The following KIAA1549L variants were observed in gnomAD, a reference collection of about 807,000 sequenced individuals.
The protein encoded by KIAA1549L is UPF0606 protein KIAA1549L.
In KIAA1549L, 88 loss-of-function variants were observed where a neutral mutation model predicts 160.7. The observed-to-expected ratio is 0.55, with a 90% CI of 0.46 to 0.65. The LOEUF is 0.65. Among genes scored for constraint, KIAA1549L ranks in the 30% least tolerant of loss-of-function variants. The probability of loss-of-function intolerance (pLI) is 0.00; values close to 1 mark genes in which losing one functional copy is unlikely to be tolerated. For synonymous variants in KIAA1549L, 950 were observed against 976.7 expected (o/e 0.97, Z 0.51); for missense variants, 2,258 against 2,437.5 (o/e 0.93, Z 1.55).
intron 1 of KIAA1549L, among the ~76,000 whole-genome samples, chr11:33,489,614 A>G (rs755462296): frequency 3.3e-5 from 5 of 152,206 alleles, no homozygotes; most frequent in Admixed American, 6.5e-5. Context: ...AGATGCTGCC[A>G]TCTTCATCCC....
rs1854035437 is a variant in KIAA1549L at position 33,542,003 on chromosome 11, A to C, written c.440A>C (p.His147Pro). The C allele has an allele frequency of 2.2e-6, 1 of 445,222 alleles. No individual in the cohort carries two copies. The highest frequency in any genetic ancestry group is 2.0e-5 in the African/African-American group (1 of 50,054). The allele number at this position is 445,222 out of a possible 1,614,324, so 27.6% of individuals were successfully genotyped here. A position where few individuals can be genotyped will look rare whatever the true frequency, so the allele number is the denominator to read the frequency against. The change falls in exon 2 of 21, where the codon CAC becomes CCC. Residue 147 changes from histidine to proline, a missense_variant. Physicochemically the swap from His to Pro is moderately conservative, Grantham distance 77. Coordinates refer to ENST00000658780, the MANE Select transcript of KIAA1549L (RefSeq NM_012194.3). ...SARTPASKTH[H>P]RTRAHADFSS... ...CGAACCCCTGCGTCCAAGACACACCACAGAACTAGGGCTCACGCGGACTTC... is the reference window on the plus strand; with the variant it reads ...CGAACCCCTGCGTCCAAGACACACCCCAGAACTAGGGCTCACGCGGACTTC...
intron 8 of KIAA1549L, among the ~76,000 whole-genome samples, chr11:33,566,252 G>C (rs1439684119): frequency 6.6e-6 from 1 of 151,958 alleles, no homozygotes; most frequent in Non-Finnish European, 1.5e-5. Flanking sequence ...CCTCTCGACT[G>C]TCCTGTGTCC....
At chr11:33,616,713 C>A (rs1850818962) in intron 15 of KIAA1549L, among the ~76,000 whole-genome samples, 1 of 152,148 alleles carries the variant, frequency 6.6e-6, no homozygotes, top group Admixed American at 6.5e-5. Context: ...GACTAACTTA[C>A]TGTGTGTCTA....
chr11:33,437,118 C>T (rs902785501), intron 1 of KIAA1549L, among the ~76,000 whole-genome samples: 1 of 152,214 alleles, frequency 6.6e-6, no homozygotes, highest in Non-Finnish European at 1.5e-5. Flanking sequence ...TAAATATTCT[C>T]AGATGAGTTG....
chr11:33,667,382 A>T (rs1437973837), intron 20 of KIAA1549L, among the ~76,000 whole-genome samples: 1 of 151,984 alleles, frequency 6.6e-6, no homozygotes, highest in East Asian at 1.9e-4. Context: ...ATATCTAGTG[A>T]GTGAGTCCAA....
intron 1 of KIAA1549L, among the ~76,000 whole-genome samples, chr11:33,434,576 A>G (rs1851318643): frequency 6.6e-6 from 1 of 152,184 alleles, no homozygotes. Flanking sequence ...TAGCTGCACA[A>G]GAGAGCTAGC....
At position 33,571,426 on chromosome 11, in the gene KIAA1549L, A is replaced by G. The variant is rs780296500; in HGVS notation, c.4230+3199A>G. On this transcript the variant is annotated intron_variant, in intron 9 of 20. Coordinates refer to ENST00000658780, the MANE Select transcript of KIAA1549L (RefSeq NM_012194.3). Reference sequence around the variant, plus strand: ...GTGATTAGGCCGTTCTTGCATTGCTATAAAGAAATATCTGAGACTGAGTAC... The same window carrying G: ...GTGATTAGGCCGTTCTTGCATTGCTGTAAAGAAATATCTGAGACTGAGTAC... Among the ~76,000 whole-genome samples the G allele has an allele frequency of 7.2e-5, 11 of 152,322 alleles. No homozygotes were observed. The East Asian group carries it at 7.7e-4, about 11-fold the overall frequency.
intron 12 of KIAA1549L, among the ~76,000 whole-genome samples, chr11:33,597,104 T>C (rs1028639292): frequency 3.9e-5 from 6 of 152,188 alleles, no homozygotes; most frequent in African/African-American, 1.4e-4. Context: ...AAATGTTGGG[T>C]TAAACGAGAC....
intron 1 of KIAA1549L, among the ~76,000 whole-genome samples, chr11:33,514,056 A>G (rs1300832102): frequency 6.6e-6 from 1 of 152,198 alleles, no homozygotes; most frequent in African/African-American, 2.4e-5. Context: ...ACCGGTTACA[A>G]GGTTACCTCA....
At chr11:33,645,534 G>A (rs1364971531) in intron 16 of KIAA1549L, among the ~76,000 whole-genome samples, 152 bp from the exon 17 acceptor site, 4 of 152,138 alleles carry the variant, frequency 2.6e-5, no homozygotes, top group Admixed American at 2.6e-4. Context: ...TACCCCAGTA[G>A]TGTGAATTCC....
intron 12 of KIAA1549L, among the ~76,000 whole-genome samples, chr11:33,598,071 T>C (rs1311481008): frequency 6.6e-6 from 1 of 152,094 alleles, no homozygotes; most frequent in Non-Finnish European, 1.5e-5. Context: ...TCTCCACATA[T>C]GTATATGTCT....
intron 1 of KIAA1549L, among the ~76,000 whole-genome samples, chr11:33,423,859 C>T (rs776698383): frequency 5.3e-5 from 8 of 152,088 alleles, no homozygotes; most frequent in Non-Finnish European, 8.8e-5. Context: ...GAGATGCTGT[C>T]TCTACAAATA....
At chr11:33,637,327 C>T (rs1448592626) in intron 16 of KIAA1549L, among the ~76,000 whole-genome samples, 2 of 152,224 alleles carry the variant, frequency 1.3e-5, no homozygotes, top group African/African-American at 2.4e-5. Context: ...CGGCCAGAGC[C>T]GCAAGCAAGT....
intron 1 of KIAA1549L, among the ~76,000 whole-genome samples, chr11:33,464,817 C>G (rs1249494639): frequency 1.3e-5 from 2 of 152,002 alleles, no homozygotes; most frequent in Non-Finnish European, 2.9e-5. Flanking sequence ...CCTGTGTCTT[C>G]CCCCACCTCC....
At chr11:33,440,590 C>T (rs963598131) in intron 1 of KIAA1549L, among the ~76,000 whole-genome samples, 1 of 152,144 alleles carries the variant, frequency 6.6e-6, no homozygotes, top group Admixed American at 6.5e-5. Context: ...TTTTCTAAGC[C>T]TGGCTTAACA....
intron 16 of KIAA1549L, among the ~76,000 whole-genome samples, chr11:33,643,637 T>C (rs1266914382): frequency 6.6e-6 from 1 of 152,134 alleles, no homozygotes; most frequent in Admixed American, 6.5e-5. Flanking sequence ...GACATTTACA[T>C]GAGAGGCAGT....
At chr11:33,427,650 A>G (rs1851146151) in intron 1 of KIAA1549L, among the ~76,000 whole-genome samples, 1 of 152,136 alleles carries the variant, frequency 6.6e-6, no homozygotes, top group Non-Finnish European at 1.5e-5. Flanking sequence ...TTACCATAGA[A>G]GTCATCATTT....
At chr11:33,458,515 G>A (rs974053851) in intron 1 of KIAA1549L, among the ~76,000 whole-genome samples, 2 of 152,228 alleles carry the variant, frequency 1.3e-5, no homozygotes, top group African/African-American at 4.8e-5. Flanking sequence ...CTGCAATGAT[G>A]GGCAGGCTCA....
rs1318173418 is a variant in KIAA1549L, at chr11:33,583,317, C to T, written c.4403-21C>T. The T allele has an allele frequency of 3.1e-6, 5 of 1,588,818 alleles. No homozygotes were observed. In the East Asian group the frequency reaches 9.1e-5, roughly 29 times the overall value. On this transcript the variant is annotated intron_variant, in intron 10 of 20. Coordinates refer to ENST00000658780, the MANE Select transcript of KIAA1549L (RefSeq NM_012194.3). ...TCCCAGTGTTGCTTGTCATGTCCCT[C>T]CTGCTGGCTCTTTCCCACAGCCGTG...
Sources: gnomAD v4.1 joint callset for allele counts (sites outside exome capture counted in the v4.1 genomes callset) on GRCh38, gnomAD v4.1.1 for gene constraint, MANE v1.5 for transcripts, NCBI Gene and HGNC (gene_info 2026-07-23, HGNC 2026-07-21) for gene names.